PARN: variants seen among roughly 807,000 people sequenced by gnomAD.
The protein encoded by PARN is poly(A)-specific ribonuclease, also known as poly(A)-specific ribonuclease PARN.
A neutral mutation model predicts 102.8 loss-of-function variants in PARN; 71 were observed. That is an observed-to-expected ratio of 0.69 (90% CI 0.57 to 0.84). The LOEUF is 0.84. PARN is among the 40% of genes least tolerant of loss of function. The probability of loss-of-function intolerance (pLI) is 0.00; values close to 1 mark genes in which losing one functional copy is unlikely to be tolerated. For missense variants in PARN, 782 were observed against 760.9 expected (o/e 1.03, Z -0.33); for synonymous variants, 261 against 252.9 (o/e 1.03, Z -0.30).
intron 21 of PARN, among the ~76,000 whole-genome samples, chr16:14,540,356 C>A (rs969305919): frequency 6.6e-6 from 1 of 151,994 alleles, no homozygotes; most frequent in African/African-American, 2.4e-5. Context: ...TGTGCATTTC[C>A]TCTGTGACAA....
chr16:14,529,318 G>C (rs529803944), intron 21 of PARN, among the ~76,000 whole-genome samples: 1 of 152,306 alleles, frequency 6.6e-6, no homozygotes, highest in East Asian at 1.9e-4. Flanking sequence ...CTTCTGGTTG[G>C]TGAAAAGGAA....
intron 7 of PARN, 120 bp downstream of exon 7, chr16:14,610,524 A>T: frequency 1.8e-6 from 1 of 564,304 alleles, no homozygotes; most frequent in Admixed American, 2.9e-5. Flanking sequence ...ATATCCTGCC[A>T]TTCACAACAT....
At chr16:14,565,736 G>A (rs545108976) in intron 18 of PARN, among the ~76,000 whole-genome samples, 53 of 152,310 alleles carry the variant, frequency 3.5e-4, no homozygotes, top group African/African-American at 1.2e-3. Context: ...GACACTGTGT[G>A]CTATGGAAGA....
intron 21 of PARN, among the ~76,000 whole-genome samples, chr16:14,509,719 C>A (rs1364469799): frequency 1.3e-5 from 2 of 152,188 alleles, no homozygotes; most frequent in Non-Finnish European, 2.9e-5. Context: ...TAAACAAGTA[C>A]TGGGGCAAAG....
At chr16:14,624,319 G>C (rs1972506560) in intron 5 of PARN, among the ~76,000 whole-genome samples, 1 of 152,140 alleles carries the variant, frequency 6.6e-6, no homozygotes, top group Non-Finnish European at 1.5e-5. Context: ...CCTTAAATGA[G>C]AGACCAAAGA....
chr16:14,459,848 T>C (rs1961867040), intron 22 of PARN, among the ~76,000 whole-genome samples: 2 of 152,190 alleles, frequency 1.3e-5, no homozygotes, highest in South Asian at 4.1e-4. Flanking sequence ...GACCCATACG[T>C]ATATGACCAA....
chr16:14,477,777 GAAAGGGA>G (rs956870578), intron 22 of PARN, among the ~76,000 whole-genome samples: 212 of 151,872 alleles, frequency 1.4e-3, no homozygotes, highest in African/African-American at 4.2e-3. Flanking sequence ...GACTCCGTCG[GAAAGGGA>G]AAAGGGAAAA....
intron 21 of PARN, among the ~76,000 whole-genome samples, chr16:14,542,521 A>G (rs1056783652): frequency 3.9e-5 from 6 of 151,966 alleles, no homozygotes; most frequent in African/African-American, 9.7e-5. Flanking sequence ...ACTATGTTCA[A>G]TGAGGTAAAG....
chr16:14,492,553 A>ATC (rs1964114145), intron 21 of PARN, among the ~76,000 whole-genome samples: 1 of 152,020 alleles, frequency 6.6e-6, no homozygotes, highest in Admixed American at 6.6e-5. Flanking sequence ...GCAGAGTGTG[A>ATC]TCTTGGTTCT....
intron 21 of PARN, among the ~76,000 whole-genome samples, chr16:14,545,201 G>A (rs1443056795): frequency 6.6e-6 from 1 of 152,122 alleles, no homozygotes; most frequent in East Asian, 1.9e-4. Context: ...TCAAAAAAAG[G>A]ATGCAGGATA....
rs1960669960 is a variant in PARN at position 14,435,939 on chromosome 16, C to CAG, written c.*777_*778insCT. On this transcript the variant is annotated 3_prime_UTR_variant, in exon 24 of 24. Coordinates refer to ENST00000437198, the MANE Select transcript of PARN (RefSeq NM_002582.4). Reference sequence around the variant, plus strand: ...ACACACACACACACACACACACACACACACAGACACGTACGCACACACGCT... The same window carrying CAG: ...ACACACACACACACACACACACACACAGACACAGACACGTACGCACACACGCT... The CAG allele has an allele frequency of 1.4e-5, 2 of 146,090 alleles. No homozygotes were observed. The highest frequency in any genetic ancestry group is 2.2e-4 in the South Asian group (1 of 4,622). The allele number at this position is 146,090 out of a possible 1,614,324, so 9.0% of individuals were successfully genotyped here. A position where few individuals can be genotyped will look rare whatever the true frequency, so the allele number is the denominator to read the frequency against.
intron 14 of PARN, among the ~76,000 whole-genome samples, chr16:14,585,105 C>G (rs1969761840): frequency 1.3e-5 from 2 of 152,168 alleles, no homozygotes; most frequent in Admixed American, 1.3e-4. Context: ...AGAGCCTGGG[C>G]TCCATCAATC....
At chr16:14,489,165 CAGT>C (rs1963911585) in intron 21 of PARN, among the ~76,000 whole-genome samples, 1 of 152,096 alleles carries the variant, frequency 6.6e-6, no homozygotes, top group South Asian at 2.1e-4. Context: ...GCACAAACTT[CAGT>C]AGAATAGCTG....
chr16:14,615,187 T>C (rs1316211637), intron 6 of PARN, among the ~76,000 whole-genome samples: 1 of 152,102 alleles, frequency 6.6e-6, no homozygotes, highest in East Asian at 1.9e-4. Context: ...GGGATGAGGC[T>C]TGGTAGTATG....
chr16:14,517,973 A>C (rs1366430149), intron 21 of PARN, among the ~76,000 whole-genome samples: 2 of 152,052 alleles, frequency 1.3e-5, no homozygotes, highest in Non-Finnish European at 2.9e-5. Flanking sequence ...GGCCAAAAGG[A>C]TATATTTTCA....
chr16:14,599,871 C>G, intron 12 of PARN, 33 bp downstream of exon 12: 1 of 1,395,634 alleles, frequency 7.2e-7, no homozygotes, highest in Non-Finnish European at 1.0e-6. Context: ...ATAGTATGTT[C>G]TGCAATCTTG....
chr16:14,464,868 G>A (rs1962230232), intron 22 of PARN, among the ~76,000 whole-genome samples: 1 of 152,092 alleles, frequency 6.6e-6, no homozygotes, highest in South Asian at 2.1e-4. Context: ...ACCAGTCTGG[G>A]CAACATAGTG....
rs980990806 is a variant in PARN, at chr16:14,553,919, C to T, written c.1405+146G>A. 6.4e-6 allele frequency: 4 copies of T among 625,206 alleles called. No individual in the cohort carries two copies. In the African/African-American group the frequency reaches 7.4e-5, roughly 12 times the overall value. 38.7% of individuals were successfully genotyped at this position (625,206 alleles called of 1,614,324 possible). On this transcript the variant is annotated intron_variant, in intron 20 of 23. Coordinates refer to ENST00000437198, the MANE Select transcript of PARN (RefSeq NM_002582.4). ...ATATTAGCACAAAGATAACAGTATC[C>T]TAAACCAGAAAATTCAAAGAGTGAA...
intron 21 of PARN, among the ~76,000 whole-genome samples, chr16:14,514,436 T>G (rs552812038): frequency 6.6e-6 from 1 of 152,246 alleles, no homozygotes; most frequent in Non-Finnish European, 1.5e-5. Context: ...TCCACCCGCC[T>G]CAGCCTCCCA....
Sources: allele counts gnomAD v4.1 joint callset (sites outside exome capture counted in the v4.1 genomes callset), GRCh38; gene constraint gnomAD v4.1.1; transcripts MANE v1.5; gene names NCBI Gene and HGNC (gene_info 2026-07-23, HGNC 2026-07-21).